Variants in EPAS1 observed in about 807,000 individuals in gnomAD.
EPAS1 encodes the protein endothelial PAS domain protein 1, also known as endothelial PAS domain-containing protein 1.
A neutral mutation model predicts 87.9 loss-of-function variants in EPAS1; 23 were observed. That is an observed-to-expected ratio of 0.26 (90% CI 0.19 to 0.37). The LOEUF (loss-of-function observed/expected upper bound fraction) is 0.37. Among genes scored for constraint, EPAS1 ranks in the 10% least tolerant of loss-of-function variants. The pLI is 1.00. For synonymous variants in EPAS1, 508 were observed against 444.3 expected, an observed-to-expected ratio of 1.14 and a Z score of -1.80; for missense variants, 1,138 against 1,120.7, an observed-to-expected ratio of 1.02 and a Z score of -0.22.
At position 46,381,968 on chromosome 2, in the gene EPAS1, C is replaced by G; in HGVS notation, c.2173-7C>G. ...TTCCCCTTTCCATCTGCCCTTCTTA[C>G]TCCCAGGGGGACCCACCTGGTGGCA... On this transcript the variant is annotated splice_polypyrimidine_tract_variant and splice_region_variant and intron_variant, in intron 13 of 15. Coordinates refer to ENST00000263734, the MANE Select transcript of EPAS1 (RefSeq NM_001430.5). The G allele has an allele frequency of 7.0e-7, 1 of 1,433,268 alleles. No individual in the cohort carries two copies. Among genetic ancestry groups the G allele is most frequent in the Non-Finnish European group, 9.4e-7 (1 of 1,061,942 alleles). The allele number at this position is 1,433,268 out of a possible 1,614,324, so 88.8% of individuals were successfully genotyped here. A position where few individuals can be genotyped will look rare whatever the true frequency, so the allele number is the denominator to read the frequency against.
Position 46,297,723 on chromosome 2 carries a change from C to T in EPAS1, c.-189C>T. ...GGTTCCTCCCAGTCACCTTTCTCCACCCCCGCCCCCGCACCTAGCCCGCCG... is the reference window on the plus strand; with the variant it reads ...GGTTCCTCCCAGTCACCTTTCTCCATCCCCGCCCCCGCACCTAGCCCGCCG... On this transcript the variant is annotated 5_prime_UTR_variant, in exon 1 of 16. Transcript: ENST00000263734. 2 of 648,780 alleles carry T rather than the reference C, an allele frequency of 3.1e-6. No homozygotes were observed. The highest frequency in any genetic ancestry group is 5.2e-6 in the Non-Finnish European group (2 of 383,768). The allele number at this position is 648,780 out of a possible 1,614,324, so 40.2% of individuals were successfully genotyped here.
chr2:46,361,675 T>C (rs115395852), intron 6 of EPAS1, among the ~76,000 whole-genome samples: 1,571 of 152,308 alleles, frequency 0.01, 34 homozygotes, highest in African/African-American at 0.036. Flanking sequence ...GAGCATGGGC[T>C]TCAGGACTAG....
chr2:46,342,634 C>T (rs1210371468), intron 1 of EPAS1, among the ~76,000 whole-genome samples: 1 of 152,148 alleles, frequency 6.6e-6, no homozygotes, highest in Admixed American at 6.5e-5. Context: ...CATCTTGGGG[C>T]CTCACTCCAG....
chr2:46,383,851 C>T (rs967084247), intron 15 of EPAS1, among the ~76,000 whole-genome samples: 41 of 152,176 alleles, frequency 2.7e-4, no homozygotes, highest in African/African-American at 9.9e-4. Flanking sequence ...CTAGGAGGTG[C>T]AGGAGGCAAT....
At chr2:46,303,623 G>C (rs965836234) in intron 1 of EPAS1, among the ~76,000 whole-genome samples, 2 of 152,198 alleles carry the variant, frequency 1.3e-5, no homozygotes, top group Non-Finnish European at 2.9e-5. Context: ...ACCAGGCTTT[G>C]TGAATGGGTT....
At chr2:46,318,210 G>A (rs868327642) in intron 1 of EPAS1, among the ~76,000 whole-genome samples, 12 of 122,030 alleles carry the variant, frequency 9.8e-5, no homozygotes, top group South Asian at 2.9e-4. Flanking sequence ...ACACACACAC[G>A]CACACAGAGG....
chr2:46,384,331 A>G lies in EPAS1; in HGVS notation c.2462-178A>G, dbSNP rs1684962252. On this transcript the variant is annotated intron_variant, in intron 15 of 15. Transcript: ENST00000263734. ...TGGGTCTCAGCACCCCACCTGAGGC[A>G]GTGGTTCTGGAGGCAGACACGTTCC... 7 of 863,642 alleles carry G rather than the reference A, an allele frequency of 8.1e-6. No homozygotes were observed. The South Asian group carries it at 9.8e-5, about 12-fold the overall frequency. 53.5% of individuals were successfully genotyped at this position (863,642 alleles called of 1,614,324 possible). A position where few individuals can be genotyped will look rare whatever the true frequency, so the allele number is the denominator to read the frequency against.
chr2:46,345,449 T>G (rs2104870534), intron 1 of EPAS1, among the ~76,000 whole-genome samples: 1 of 152,154 alleles, frequency 6.6e-6, no homozygotes. Context: ...GACAGGACAG[T>G]CATTGGTGGT....
chr2:46,309,358 A>C (rs1408434708), intron 1 of EPAS1, among the ~76,000 whole-genome samples: 1 of 152,236 alleles, frequency 6.6e-6, no homozygotes, highest in African/African-American at 2.4e-5. Flanking sequence ...GATTTGTTTA[A>C]GCAATATAAG....
rs1343133013 is a variant in EPAS1, at chr2:46,297,426, C to T, written c.-486C>T. On this transcript the variant is annotated 5_prime_UTR_variant, in exon 1 of 16. Coordinates refer to ENST00000263734, the MANE Select transcript of EPAS1 (RefSeq NM_001430.5). ...AGCTTTACACTCGCGAGCGGACCGCCACACGGGTCCGGTGCCCGCTGCGCT... is the reference window on the plus strand; with the variant it reads ...AGCTTTACACTCGCGAGCGGACCGCTACACGGGTCCGGTGCCCGCTGCGCT... The T allele has an allele frequency of 6.5e-6, 1 of 154,358 alleles. No individual in the cohort carries two copies. The highest frequency in any genetic ancestry group is 1.4e-5 in the Non-Finnish European group (1 of 69,502). The allele number at this position is 154,358 out of a possible 1,614,324, so 9.6% of individuals were successfully genotyped here.
In EPAS1 at chr2:46,384,588, C is replaced by T. The variant is rs752476478; in HGVS notation, c.2541C>T (p.Asn847=). 41 of 1,614,040 alleles carry T rather than the reference C, an allele frequency of 2.5e-5. No individual in the cohort carries two copies. Among genetic ancestry groups the T allele is most frequent in the East Asian group, 2.0e-4 (9 of 44,894 alleles). ...TGACCAGATATGACTGTGAGGTGAA[C>T]GTGCCCGTGCTGGGAAGCTCCACGC... ...PELTRYDCEV[N]VPVLGSSTLL... is the part of the protein sequence containing the mutation. The change falls in exon 16 of 16, where the codon AAC becomes AAT. Residue 847 remains asparagine (N), a synonymous_variant. Transcript: ENST00000263734.
At chr2:46,332,332 G>GTGTGTGTGTATATA (rs146630883) in intron 1 of EPAS1, among the ~76,000 whole-genome samples, 2 of 142,116 alleles carry the variant, frequency 1.4e-5, no homozygotes, top group African/African-American at 5.4e-5. Context: ...GTGTGTGTGT[G>GTGTGTGTGTATATA]TATCAACTTG....
At chr2:46,338,117 A>G (rs565775072) in intron 1 of EPAS1, among the ~76,000 whole-genome samples, 1 of 152,298 alleles carries the variant, frequency 6.6e-6, no homozygotes, top group East Asian at 1.9e-4. Flanking sequence ...AGGTCACCCA[A>G]TTACAATCAA....
At chr2:46,370,407 G>A (rs1373022921) in intron 7 of EPAS1, among the ~76,000 whole-genome samples, 2 of 152,238 alleles carry the variant, frequency 1.3e-5, no homozygotes, top group African/African-American at 2.4e-5. Context: ...TTGAAGGATC[G>A]GGGAGGCTTA....
chr2:46,297,666 C>T lies in EPAS1; in HGVS notation c.-246C>T. ...CTTTTCGGGTCTGACAGCCTCCACC[C>T]ACTCCTTCCCCGGACCCCGCCTCCG... is the stretch of plus-strand genomic sequence containing the variant. On this transcript the variant is annotated 5_prime_UTR_variant, in exon 1 of 16. Transcript: ENST00000263734. 1 of 551,846 alleles carries T rather than the reference C, an allele frequency of 1.8e-6. No individual in the cohort carries two copies. 34.2% of individuals were successfully genotyped at this position (551,846 alleles called of 1,614,324 possible).
chr2:46,308,769 T>G (rs555472476), intron 1 of EPAS1, among the ~76,000 whole-genome samples: 2 of 152,298 alleles, frequency 1.3e-5, no homozygotes, highest in African/African-American at 4.8e-5. Flanking sequence ...AACAGAATAC[T>G]CCAGCTTAAT....
intron 7 of EPAS1, among the ~76,000 whole-genome samples, chr2:46,374,244 C>T (rs551080037): frequency 1.3e-5 from 2 of 152,262 alleles, no homozygotes; most frequent in Admixed American, 6.5e-5. Context: ...AGGAGGCCTG[C>T]GAGCCTACCA....
intron 6 of EPAS1, among the ~76,000 whole-genome samples, chr2:46,363,385 C>T (rs1366398999): frequency 6.6e-6 from 1 of 152,202 alleles, no homozygotes; most frequent in Non-Finnish European, 1.5e-5. Flanking sequence ...AATAACTTGG[C>T]ATCCCTACAT....
At position 46,297,875 on chromosome 2, in the gene EPAS1, G is replaced by C. The variant is rs754755652; in HGVS notation, c.-37G>C. 6.2e-7 allele frequency: 1 copy of C among 1,605,680 alleles called. No homozygotes were observed. The highest frequency in any genetic ancestry group is 1.1e-5 in the South Asian group (1 of 90,082). Reference sequence around the variant, plus strand: ...CCCCCACCCGCCAGGGAGCCCAGGTGCTCGGCGTCTGAACGTCTCAAAGGG... The same window carrying C: ...CCCCCACCCGCCAGGGAGCCCAGGTCCTCGGCGTCTGAACGTCTCAAAGGG... On this transcript the variant is annotated 5_prime_UTR_variant, in exon 1 of 16. Transcript: ENST00000263734.
Sources: allele counts gnomAD v4.1 joint callset (sites outside exome capture counted in the v4.1 genomes callset), GRCh38; gene constraint gnomAD v4.1.1; transcripts MANE v1.5; gene names NCBI Gene and HGNC (gene_info 2026-07-23, HGNC 2026-07-21).